Variants in NDFIP1 observed in about 807,000 individuals in gnomAD.
NDFIP1 encodes the protein NEDD4 family-interacting protein 1.
In NDFIP1, 7 loss-of-function variants were observed where a neutral mutation model predicts 28.8. The observed-to-expected ratio is 0.24, with a 90% CI of 0.14 to 0.46. The LOEUF (loss-of-function observed/expected upper bound fraction) is 0.46, where lower values mean the gene tolerates loss of function less well. NDFIP1 is among the 20% of genes least tolerant of loss of function. The pLI is 0.99. For synonymous variants in NDFIP1, 92 were observed against 101.0 expected (o/e 0.91, Z 0.53); for missense variants, 194 against 269.1 (o/e 0.72, Z 1.95).
intron 3 of NDFIP1, among the ~76,000 whole-genome samples, chr5:142,134,491 T>TA (rs1483878915): frequency 2.0e-5 from 3 of 152,214 alleles, no homozygotes; most frequent in Non-Finnish European, 4.4e-5. Flanking sequence ...GGAAGTATGT[T>TA]AAGTTAGAAA....
At chr5:142,149,804 C>T (rs1472778065) in intron 7 of NDFIP1, among the ~76,000 whole-genome samples, 1 of 152,104 alleles carries the variant, frequency 6.6e-6, no homozygotes, top group African/African-American at 2.4e-5. Context: ...AAGGAAGTGG[C>T]CAGGTAATTG....
At chr5:142,142,016 A>G (rs576583844) in intron 6 of NDFIP1, among the ~76,000 whole-genome samples, 2 of 152,126 alleles carry the variant, frequency 1.3e-5, no homozygotes, top group South Asian at 4.1e-4. Flanking sequence ...TTGTGCCTGT[A>G]GTCCTAGCTA....
At position 142,144,808 on chromosome 5, in the gene NDFIP1, T is replaced by C. The variant is rs369120923; in HGVS notation, c.*2+132T>C. 1.5e-4 allele frequency: 78 copies of C among 521,958 alleles called. No homozygotes were observed. The East Asian group carries it at 2.2e-3, about 15-fold the overall frequency. The allele number at this position is 521,958 out of a possible 1,614,324, so 32.3% of individuals were successfully genotyped here. A position where few individuals can be genotyped will look rare whatever the true frequency, so the allele number is the denominator to read the frequency against. On this transcript the variant is annotated intron_variant, in intron 7 of 7. Transcript: ENST00000253814. ...TAAAGAAGGCACAGTCCCTGCCTTT[T>C]AGCAGTTTCTTGTCTAGTAACAGGG...
intron 1 of NDFIP1, among the ~76,000 whole-genome samples, chr5:142,119,556 ATTCT>A (rs1757102262): frequency 6.6e-6 from 1 of 152,150 alleles, no homozygotes; most frequent in African/African-American, 2.4e-5. Context: ...ATACCTTGAG[ATTCT>A]TTCTTTGTGC....
chr5:142,149,434 CTTTTTT>C (rs10684292), intron 7 of NDFIP1, among the ~76,000 whole-genome samples: 3 of 114,712 alleles, frequency 2.6e-5, no homozygotes, highest in Non-Finnish European at 3.4e-5. Context: ...TATTGGATTC[CTTTTTT>C]TTTTTTTTTT....
intron 6 of NDFIP1, chr5:142,143,596 C>A (rs1757357908): frequency 6.6e-6 from 1 of 152,086 alleles, no homozygotes; most frequent in Non-Finnish European, 1.5e-5. Context: ...GGAGGAGTAT[C>A]TGAGTTTCCA....
chr5:142,118,573 G>T (rs1757092381), intron 1 of NDFIP1, among the ~76,000 whole-genome samples: 1 of 152,092 alleles, frequency 6.6e-6, no homozygotes, highest in Non-Finnish European at 1.5e-5. Flanking sequence ...GTGTTTCTCA[G>T]GTTTCTCTTC....
At chr5:142,142,074 C>T (rs1757337793) in intron 6 of NDFIP1, among the ~76,000 whole-genome samples, 1 of 152,102 alleles carries the variant, frequency 6.6e-6, no homozygotes, top group Non-Finnish European at 1.5e-5. Flanking sequence ...GAGTTGGAGC[C>T]TGCAGTGAAC....
chr5:142,140,614 G>A lies in NDFIP1; in HGVS notation c.547G>A (p.Val183Met). 1 of 1,611,328 alleles carries A rather than the reference G, an allele frequency of 6.2e-7. No individual in the cohort carries two copies. The highest frequency in any genetic ancestry group is 8.5e-7 in the Non-Finnish European group (1 of 1,179,084). ...YFDGQYWLWW[V>M]FLVLGFLLFL... Reference sequence around the variant, plus strand: ...TGATGGTCAGTACTGGCTCTGGTGGGTGTTCCTTGTTTTAGGTAAGTGTTT... The same window carrying A: ...TGATGGTCAGTACTGGCTCTGGTGGATGTTCCTTGTTTTAGGTAAGTGTTT... The change falls in exon 6 of 8, where the codon GTG becomes ATG. Residue 183 changes from valine to methionine, a missense_variant. Physicochemically the swap from Val to Met is conservative, Grantham distance 21. Coordinates refer to ENST00000253814, the MANE Select transcript of NDFIP1 (RefSeq NM_030571.4).
intron 6 of NDFIP1, 69 bp downstream of exon 6, chr5:142,140,698 AGT>A: frequency 1.0e-5 from 13 of 1,264,406 alleles, no homozygotes; most frequent in East Asian, 2.4e-5. Context: ...AATTACTTGT[AGT>A]AAATGTTCAT....
intron 6 of NDFIP1, chr5:142,143,263 A>G (rs952070660): frequency 6.6e-6 from 1 of 152,164 alleles, no homozygotes; most frequent in African/African-American, 2.4e-5. Flanking sequence ...AAGCTAGCCT[A>G]CATTTCACAT....
At chr5:142,150,095 A>G (rs1361938279) in intron 7 of NDFIP1, among the ~76,000 whole-genome samples, 2 of 151,644 alleles carry the variant, frequency 1.3e-5, no homozygotes, top group Admixed American at 6.6e-5. Context: ...GCAGGAGAAC[A>G]GCATGAACCC....
chr5:142,150,802 A>G (rs1757439404), intron 7 of NDFIP1, among the ~76,000 whole-genome samples: 1 of 152,286 alleles, frequency 6.6e-6, no homozygotes, highest in Non-Finnish European at 1.5e-5. Context: ...GGAGGATAGA[A>G]AAGTAAGTTA....
At chr5:142,149,215 T>C (rs532854141) in intron 7 of NDFIP1, among the ~76,000 whole-genome samples, 2 of 152,240 alleles carry the variant, frequency 1.3e-5, no homozygotes, top group South Asian at 4.1e-4. Flanking sequence ...CATTTCTCCT[T>C]TTCTGTAATT....
At chr5:142,116,651 A>T (rs1206175917) in intron 1 of NDFIP1, among the ~76,000 whole-genome samples, 1 of 151,852 alleles carries the variant, frequency 6.6e-6, no homozygotes, top group Non-Finnish European at 1.5e-5. Flanking sequence ...GTGAGCCACC[A>T]TGCCCAGGCT....
intron 1 of NDFIP1, among the ~76,000 whole-genome samples, chr5:142,114,879 T>C (rs1401674057): frequency 6.6e-6 from 1 of 152,200 alleles, no homozygotes; most frequent in African/African-American, 2.4e-5. Flanking sequence ...CCTGATCCCA[T>C]GGGTGACCAC....
At chr5:142,128,281 A>G (rs182138862) in intron 1 of NDFIP1, among the ~76,000 whole-genome samples, 1 of 152,344 alleles carries the variant, frequency 6.6e-6, no homozygotes, top group East Asian at 1.9e-4. Context: ...ATTCTTTCAG[A>G]AAGTGTCAGG....
chr5:142,152,205 T>A lies in NDFIP1; in HGVS notation c.*477T>A, dbSNP rs1335790492. ...GTTTTTGCACATAATCCATATTTGC[T>A]GTTCAAGTTAATCTAGAAATTTATT... On this transcript the variant is annotated 3_prime_UTR_variant, in exon 8 of 8. Coordinates refer to ENST00000253814, the MANE Select transcript of NDFIP1 (RefSeq NM_030571.4). The A allele has an allele frequency of 1.3e-5, 2 of 152,818 alleles. No homozygotes were observed. Among genetic ancestry groups the A allele is most frequent in the Non-Finnish European group, 2.9e-5 (2 of 68,042 alleles). The allele number at this position is 152,818 out of a possible 1,614,324, so 9.5% of individuals were successfully genotyped here.
chr5:142,128,795 A>C (rs1757197011), intron 1 of NDFIP1, among the ~76,000 whole-genome samples: 1 of 152,210 alleles, frequency 6.6e-6, no homozygotes, highest in Non-Finnish European at 1.5e-5. Flanking sequence ...TAGTGGAGCA[A>C]ACTCTTCACC....
Sources: gnomAD v4.1 joint callset for allele counts (sites outside exome capture counted in the v4.1 genomes callset) on GRCh38, gnomAD v4.1.1 for gene constraint, MANE v1.5 for transcripts, NCBI Gene and HGNC (gene_info 2026-07-23, HGNC 2026-07-21) for gene names.